The following PCDH9 variants were observed in gnomAD, a reference collection of about 807,000 sequenced individuals.
PCDH9 encodes the protein protocadherin 9.
PCDH9 carries 24 observed loss-of-function variants against 70.6 expected under a neutral mutation model. The ratio of observed to expected loss-of-function variants is 0.34; its 90% confidence interval spans 0.25 to 0.48. The LOEUF (loss-of-function observed/expected upper bound fraction) is 0.48, where lower values mean the gene tolerates loss of function less well. Among genes scored for constraint, PCDH9 ranks in the 20% least tolerant of loss-of-function variants. The pLI is 0.99. For missense variants in PCDH9, 1,281 were observed against 1,503.6 expected (o/e 0.85, Z 2.45); for synonymous variants, 562 against 558.5 (o/e 1.01, Z -0.09).
chr13:66,338,372 ACT>A (rs1319816420), intron 4 of PCDH9, among the ~76,000 whole-genome samples: 2 of 152,078 alleles, frequency 1.3e-5, no homozygotes, highest in African/African-American at 4.8e-5. Context: ...TATTAATTTA[ACT>A]TTTTTTGATA....
At chr13:67,133,833 G>A (rs1021500935) in intron 2 of PCDH9, among the ~76,000 whole-genome samples, 23 of 152,100 alleles carry the variant, frequency 1.5e-4, no homozygotes, top group African/African-American at 5.6e-4. Flanking sequence ...GTTAGAATGA[G>A]CGGCTGTTTC....
At chr13:66,909,564 T>C (rs1444756447) in intron 2 of PCDH9, among the ~76,000 whole-genome samples, 2 of 152,244 alleles carry the variant, frequency 1.3e-5, no homozygotes. Context: ...GGTCAGGAGA[T>C]GGAGACCATC....
chr13:66,562,193 T>G (rs2076583649), intron 4 of PCDH9, among the ~76,000 whole-genome samples: 1 of 151,910 alleles, frequency 6.6e-6, no homozygotes, highest in South Asian at 2.1e-4. Context: ...TAAAATATAT[T>G]TAAAAGGAAA....
At chr13:67,139,986 T>G (rs2087332511) in intron 2 of PCDH9, among the ~76,000 whole-genome samples, 1 of 148,362 alleles carries the variant, frequency 6.7e-6, no homozygotes. Context: ...TTCCATCAGC[T>G]GCATTCCCTT....
chr13:66,602,741 C>T (rs2077178878), intron 4 of PCDH9, among the ~76,000 whole-genome samples: 2 of 145,496 alleles, frequency 1.4e-5, no homozygotes, highest in African/African-American at 5.0e-5. Flanking sequence ...TGTCCTAGGC[C>T]TTCACATTTA....
At chr13:66,617,293 C>T (rs1309143523) in intron 4 of PCDH9, among the ~76,000 whole-genome samples, 2 of 152,188 alleles carry the variant, frequency 1.3e-5, no homozygotes, top group Non-Finnish European at 2.9e-5. Context: ...CCCTCACATA[C>T]CCCGGTATCT....
chr13:66,426,819 T>A (rs957908706), intron 4 of PCDH9, among the ~76,000 whole-genome samples: 2 of 151,652 alleles, frequency 1.3e-5, no homozygotes, highest in South Asian at 4.1e-4. Flanking sequence ...TATTTTTTCT[T>A]TTGTGTAAAA....
intron 3 of PCDH9, among the ~76,000 whole-genome samples, chr13:66,862,470 T>C (rs1316150237): frequency 1.3e-5 from 2 of 152,172 alleles, no homozygotes; most frequent in East Asian, 3.8e-4. Context: ...AAGATTTACA[T>C]TCCCTGCATC....
At chr13:66,551,340 C>A (rs1289003052) in intron 4 of PCDH9, among the ~76,000 whole-genome samples, 7 of 152,096 alleles carry the variant, frequency 4.6e-5, no homozygotes, top group Non-Finnish European at 2.9e-5. Context: ...TGATTCATAG[C>A]ACTGCTCACC....
intron 3 of PCDH9, among the ~76,000 whole-genome samples, chr13:66,856,908 G>A (rs898046296): frequency 6.6e-6 from 1 of 151,944 alleles, no homozygotes; most frequent in Non-Finnish European, 1.5e-5. Flanking sequence ...GATTTACCTT[G>A]TAGGTGGGGC....
At chr13:66,658,274 T>C (rs1330475717) in intron 3 of PCDH9, among the ~76,000 whole-genome samples, 1 of 152,190 alleles carries the variant, frequency 6.6e-6, no homozygotes, top group Non-Finnish European at 1.5e-5. Context: ...GTTTAATTTG[T>C]AAGTAATGTT....
At chr13:66,596,342 C>T (rs2077102602) in intron 4 of PCDH9, among the ~76,000 whole-genome samples, 2 of 151,490 alleles carry the variant, frequency 1.3e-5, no homozygotes, top group African/African-American at 4.8e-5. Context: ...TGAACAGTGT[C>T]CATTTGTTTT....
intron 2 of PCDH9, chr13:67,205,232 T>G (rs1278805607): frequency 6.6e-6 from 1 of 152,168 alleles, no homozygotes; most frequent in African/African-American, 2.4e-5. Flanking sequence ...TATTGACAAA[T>G]TAACAGGTGA....
intron 2 of PCDH9, among the ~76,000 whole-genome samples, chr13:67,193,758 A>G (rs2088984250): frequency 1.3e-5 from 2 of 152,124 alleles, no homozygotes; most frequent in Non-Finnish European, 2.9e-5. Flanking sequence ...GGATGCTTCA[A>G]ATAAAGGTTC....
At chr13:66,848,927 C>CAAAAAAAAAAAAA (rs745587776) in intron 3 of PCDH9, among the ~76,000 whole-genome samples, 1 of 51,298 alleles carries the variant, frequency 1.9e-5, no homozygotes, top group Non-Finnish European at 3.8e-5. Flanking sequence ...GACTCCGTCT[C>CAAAAAAAAAAAAA]AAAAAAAAAA....
chr13:66,902,974 AATGTCTTTCAAGTTC>A lies in PCDH9; in HGVS notation c.3138+515_3138+529del, dbSNP rs2139597653. 2.0e-5 allele frequency among the ~76,000 whole-genome samples: 3 copies of A among 151,986 alleles called. No individual in the cohort carries two copies. The South Asian group carries it at 6.2e-4, about 31-fold the overall frequency. On this transcript the variant is annotated intron_variant, in intron 3 of 4. Transcript: ENST00000377865. ...AACTAACTTTTTTAAAAAAGAAAGT[AATGTCTTTCAAGTTC>A]AAAAATACAGGGAAATAAAAGATCA...
intron 4 of PCDH9, among the ~76,000 whole-genome samples, chr13:66,606,662 T>G (rs1311869607): frequency 6.6e-6 from 1 of 152,142 alleles, no homozygotes; most frequent in African/African-American, 2.4e-5. Flanking sequence ...CTTTAGTACG[T>G]CTCTCCTAAA....
chr13:67,199,896 T>C (rs1385389242), intron 2 of PCDH9, among the ~76,000 whole-genome samples: 1 of 152,086 alleles, frequency 6.6e-6, no homozygotes, highest in African/African-American at 2.4e-5. Context: ...AAGCTGATGG[T>C]ATTTTCATTC....
intron 2 of PCDH9, among the ~76,000 whole-genome samples, chr13:67,087,684 A>C (rs901929706): frequency 1.3e-5 from 2 of 152,020 alleles, no homozygotes; most frequent in African/African-American, 4.8e-5. Flanking sequence ...TATACAACAC[A>C]GGCCAATGTG....
Sources: gnomAD v4.1 joint callset for allele counts (sites outside exome capture counted in the v4.1 genomes callset) on GRCh38, gnomAD v4.1.1 for gene constraint, MANE v1.5 for transcripts, NCBI Gene and HGNC (gene_info 2026-07-23, HGNC 2026-07-21) for gene names.